Variants in CBFA2T3 observed in about 807,000 individuals in gnomAD.
The protein encoded by CBFA2T3 is transcriptional corepressor CBFA2T3.
A neutral mutation model predicts 58.6 loss-of-function variants in CBFA2T3; 31 were observed. The observed-to-expected ratio is 0.53, with a 90% confidence interval of 0.40 to 0.71. The LOEUF (loss-of-function observed/expected upper bound fraction) is 0.71, where lower values mean the gene tolerates loss of function less well. Among genes scored for constraint, CBFA2T3 ranks in the 30% least tolerant of loss-of-function variants. The pLI is 0.00. For synonymous variants in CBFA2T3, 531 were observed against 421.9 expected (o/e 1.26, Z -3.17); for missense variants, 1,076 against 963.1 (o/e 1.12, Z -1.55).
At chr16:88,903,958 G>A (rs755398808) in intron 1 of CBFA2T3, among the ~76,000 whole-genome samples, 7 of 152,250 alleles carry the variant, frequency 4.6e-5, no homozygotes, top group Non-Finnish European at 1.0e-4. Flanking sequence ...AGCTGGTGCC[G>A]GGCGCTGGAC....
rs2142553675 is a variant in CBFA2T3, at chr16:88,885,348, A to G, written c.894-79T>C. The stretch of plus-strand genomic sequence containing the variant: ...CAGAGGTGCAGGTGGGGTGAGAGGC[A>G]GACAGGCAAGGGCAGAGAGAAAGAG... On this transcript the variant is annotated intron_variant, in intron 6 of 11. Coordinates refer to ENST00000268679, the MANE Select transcript of CBFA2T3 (RefSeq NM_005187.6). This position sits in a 1 kb window ranked among gnomAD's most constrained non-coding sequence, Gnocchi z 5.3. 1 of 958,270 alleles carries G rather than the reference A, an allele frequency of 1.0e-6. No individual in the cohort carries two copies. The highest frequency in any genetic ancestry group is 1.5e-6 in the Non-Finnish European group (1 of 669,386). 59.4% of individuals were successfully genotyped at this position (958,270 alleles called of 1,614,324 possible). A position where few individuals can be genotyped will look rare whatever the true frequency, so the allele number is the denominator to read the frequency against.
intron 11 of CBFA2T3, among the ~76,000 whole-genome samples, chr16:88,877,715 T>C (rs1968892916): frequency 6.7e-6 from 1 of 149,946 alleles, no homozygotes. Context: ...CCTCCACCTC[T>C]GCCCCCACCC....
At chr16:88,971,803 G>A (rs1972662953) in intron 1 of CBFA2T3, among the ~76,000 whole-genome samples, 1 of 152,192 alleles carries the variant, frequency 6.6e-6, no homozygotes, top group African/African-American at 2.4e-5. Context: ...TCCTGGCTCA[G>A]CTGTGACCAA....
At chr16:88,938,586 G>C (rs1019382276) in intron 1 of CBFA2T3, 1 of 152,416 alleles carries the variant, frequency 6.6e-6, no homozygotes, top group Non-Finnish European at 1.5e-5. Context: ...AGGAGACACA[G>C]GCCACAGGCA....
At chr16:88,898,185 G>C (rs200836784) in intron 2 of CBFA2T3, 33 bp from the exon 3 acceptor site, 8 of 1,540,268 alleles carry the variant, frequency 5.2e-6, no homozygotes, top group Non-Finnish European at 7.2e-6. Flanking sequence ...ACGCTGTCAG[G>C]AGGGGCGTGG....
chr16:88,880,400 C>T (rs1051302740), intron 10 of CBFA2T3, among the ~76,000 whole-genome samples: 1 of 152,248 alleles, frequency 6.6e-6, no homozygotes, highest in Admixed American at 6.5e-5. Flanking sequence ...TGCCCGGACT[C>T]TGGCCCCGCG....
At chr16:88,925,034 G>T (rs1971039912) in intron 1 of CBFA2T3, among the ~76,000 whole-genome samples, 1 of 152,248 alleles carries the variant, frequency 6.6e-6, no homozygotes, top group African/African-American at 2.4e-5. Context: ...TCTGCGAGGG[G>T]TCTCAGCTCT....
rs543806894 is a variant in CBFA2T3, at chr16:88,977,139, C to T, written c.-332G>A. On this transcript the variant is annotated 5_prime_UTR_variant, in exon 1 of 12. Transcript: ENST00000268679. ...GGGGCCGGAGGCCTGCAGCTGCGCC[C>T]GCCACTTCCCTGACAGGAACCATCT... The T allele has an allele frequency of 8.9e-5, 28 of 314,718 alleles. No individual in the cohort carries two copies. The South Asian group carries it at 2.1e-3, about 24-fold the overall frequency. The allele number at this position is 314,718 out of a possible 1,614,324, so 19.5% of individuals were successfully genotyped here.
intron 11 of CBFA2T3, among the ~76,000 whole-genome samples, chr16:88,877,986 C>A (rs1244798803): frequency 1.3e-5 from 2 of 152,256 alleles, no homozygotes; most frequent in African/African-American, 4.8e-5. Context: ...ACCTCCCACC[C>A]CACCTCGCCC....
At chr16:88,972,284 A>G (rs1212945322) in intron 1 of CBFA2T3, among the ~76,000 whole-genome samples, 2 of 152,176 alleles carry the variant, frequency 1.3e-5, no homozygotes, top group African/African-American at 4.8e-5. Context: ...GGACGTGCCC[A>G]GAGCCCCTGC....
intron 1 of CBFA2T3, chr16:88,941,726 C>A (rs1411453260): frequency 6.7e-6 from 1 of 149,750 alleles, no homozygotes. Context: ...GGGCGGCCCC[C>A]GCCTGCGCCC....
chr16:88,908,438 A>G (rs1273436189), intron 1 of CBFA2T3, among the ~76,000 whole-genome samples: 1 of 152,080 alleles, frequency 6.6e-6, no homozygotes, highest in Non-Finnish European at 1.5e-5. Context: ...CAGACGGCAC[A>G]TCCAGTTCCC....
chr16:88,900,987 G>T (rs928228419), intron 2 of CBFA2T3, among the ~76,000 whole-genome samples: 2 of 152,258 alleles, frequency 1.3e-5, no homozygotes, highest in African/African-American at 4.8e-5. Flanking sequence ...GCTCAGCCGG[G>T]CTGTGGAGCT....
chr16:88,975,921 G>A (rs927233388), intron 1 of CBFA2T3, among the ~76,000 whole-genome samples: 1 of 152,248 alleles, frequency 6.6e-6, no homozygotes, highest in Non-Finnish European at 1.5e-5. Flanking sequence ...GAGACTGTGA[G>A]CTCCTGAAGG....
chr16:88,960,030 A>G (rs1308505634), intron 1 of CBFA2T3, among the ~76,000 whole-genome samples: 1 of 152,168 alleles, frequency 6.6e-6, no homozygotes. Context: ...TTTTCCAAAA[A>G]ATAATAATAA....
In CBFA2T3 at chr16:88,875,275, A is replaced by T. The variant is rs944041275; in HGVS notation, c.*1701T>A. 1 of 227,916 alleles carries T rather than the reference A, an allele frequency of 4.4e-6. No homozygotes were observed. Among genetic ancestry groups the T allele is most frequent in the Non-Finnish European group, 8.7e-6 (1 of 114,972 alleles). 14.1% of individuals were successfully genotyped at this position (227,916 alleles called of 1,614,324 possible). A position where few individuals can be genotyped will look rare whatever the true frequency, so the allele number is the denominator to read the frequency against. On this transcript the variant is annotated 3_prime_UTR_variant, in exon 12 of 12. Transcript: ENST00000268679. Reference sequence around the variant, plus strand: ...TGTCCTTGTACTCGGTGCAAGCATGAATTTCTTTATCCCTTTATTTCCTTC... The same window carrying T: ...TGTCCTTGTACTCGGTGCAAGCATGTATTTCTTTATCCCTTTATTTCCTTC...
At position 88,921,215 on chromosome 16, in the gene CBFA2T3, TG is replaced by T. The variant is rs568298903; in HGVS notation, c.152-19560del. Reference sequence around the variant, plus strand: ...ACAAGCCTGCCTCTGCCATTGTTGATGTAAACAGGTAAATTGTTTCCTGCCT... The same window carrying T: ...ACAAGCCTGCCTCTGCCATTGTTGATTAAACAGGTAAATTGTTTCCTGCCT... On this transcript the variant is annotated intron_variant, in intron 1 of 11. Transcript: ENST00000268679. Among the ~76,000 whole-genome samples, 79 of 152,384 alleles carry T rather than the reference TG, an allele frequency of 5.2e-4. No homozygotes were observed. The East Asian group carries it at 0.013, about 25-fold the overall frequency.
chr16:88,971,394 G>A (rs190784190), intron 1 of CBFA2T3, among the ~76,000 whole-genome samples: 1 of 152,340 alleles, frequency 6.6e-6, no homozygotes, highest in African/African-American at 2.4e-5. Flanking sequence ...ACAGGCATGA[G>A]TCACGGCACC....
intron 1 of CBFA2T3, among the ~76,000 whole-genome samples, chr16:88,902,699 T>C (rs532650783): frequency 6.6e-6 from 1 of 152,334 alleles, no homozygotes; most frequent in South Asian, 2.1e-4. Flanking sequence ...CCATTTATCT[T>C]AAGGCAAGGT....
Sources: allele counts gnomAD v4.1 joint callset (sites outside exome capture counted in the v4.1 genomes callset), GRCh38; gene constraint gnomAD v4.1.1; non-coding constraint Gnocchi (gnomAD v3.1); transcripts MANE v1.5; gene names NCBI Gene and HGNC (gene_info 2026-07-23, HGNC 2026-07-21).